Variants in LY96 observed in about 807,000 individuals in gnomAD.
LY96 encodes the protein myeloid differentiation protein-2.
In LY96, 18 loss-of-function variants were observed where a neutral mutation model predicts 18.9. The ratio of observed to expected loss-of-function variants is 0.95; its 90% CI spans 0.66 to 1.41. LY96 has a LOEUF of 1.41. LY96 is among the 40% of genes most tolerant of loss of function. The pLI is 0.00. For synonymous variants in LY96, 66 were observed against 62.6 expected (o/e 1.06, Z -0.26); for missense variants, 175 against 182.4 (o/e 0.96, Z 0.23).
chr8:74,007,379 A>C, intron 2 of LY96, among the ~76,000 whole-genome samples: 1 of 152,254 alleles, frequency 6.6e-6, no homozygotes, highest in East Asian at 1.9e-4. Flanking sequence ...TGACATTTAT[A>C]TAACAAATTA....
At chr8:74,018,747 T>C (rs1816696523) in intron 3 of LY96, among the ~76,000 whole-genome samples, 1 of 152,118 alleles carries the variant, frequency 6.6e-6, no homozygotes, top group African/African-American at 2.4e-5. Context: ...TGCAATCAAA[T>C]TAGAACTCAG....
At chr8:74,088,691 T>G in the LY96 span, among the ~76,000 whole-genome samples, 3 of 152,210 alleles carry the variant, frequency 2.0e-5, no homozygotes, top group Non-Finnish European at 4.4e-5. Context: ...GTTCAAGCGA[T>G]TCTTGTGCCT....
chr8:74,028,863 G>C, intron 4 of LY96, 93 bp from the exon 5 acceptor site: 1 of 707,148 alleles, frequency 1.4e-6, no homozygotes. Context: ...AATTTAAATG[G>C]CTTTCTGCTA....
At chr8:74,004,345 C>T (rs998006669) in intron 1 of LY96, among the ~76,000 whole-genome samples, 5 of 152,180 alleles carry the variant, frequency 3.3e-5, no homozygotes, top group African/African-American at 9.6e-5. Flanking sequence ...GGGGAGCCCT[C>T]GTGAAAAAGT....
the LY96 span, among the ~76,000 whole-genome samples, chr8:74,058,599 A>G: frequency 6.6e-6 from 1 of 150,570 alleles, no homozygotes; most frequent in Non-Finnish European, 1.5e-5. Context: ...GGCTCACTGC[A>G]ACCTCCACCT....
intron 3 of LY96, among the ~76,000 whole-genome samples, chr8:74,022,220 C>T (rs1399370350): frequency 1.3e-5 from 2 of 152,014 alleles, no homozygotes; most frequent in Non-Finnish European, 2.9e-5. Context: ...CCAGCCTGGC[C>T]TACATGGTGA....
At chr8:74,032,079 T>G (rs1816981505), downstream of LY96, among the ~76,000 whole-genome samples, 2 of 152,202 alleles carry the variant, frequency 1.3e-5, no homozygotes, top group South Asian at 2.1e-4. Flanking sequence ...GAGCCGAAAT[T>G]GTGCCACTGC....
At position 74,010,145 on chromosome 8, in the gene LY96, A is replaced by T. The variant is rs892588985; in HGVS notation, c.331+16A>T. 6.2e-7 allele frequency: 1 copy of T among 1,604,844 alleles called. No individual in the cohort carries two copies. Among genetic ancestry groups the T allele is most frequent in the Non-Finnish European group, 8.5e-7 (1 of 1,172,122 alleles). On this transcript the variant is annotated intron_variant, in intron 3 of 4. Transcript: ENST00000284818. The stretch of plus-strand genomic sequence containing the variant: ...CTGAAGGGAGGTAAGTATTCAGTTC[A>T]TATTACTTTTAGAATAGGAAATAAT...
At chr8:73,995,087 G>A (rs1236073453) in intron 1 of LY96, among the ~76,000 whole-genome samples, 1 of 152,166 alleles carries the variant, frequency 6.6e-6, no homozygotes, top group African/African-American at 2.4e-5. Flanking sequence ...ATTATTGAGG[G>A]AGTGAGTTTC....
chr8:74,025,271 G>A (rs1816846343), intron 3 of LY96, among the ~76,000 whole-genome samples: 1 of 152,154 alleles, frequency 6.6e-6, no homozygotes, highest in African/African-American at 2.4e-5. Flanking sequence ...ATTTTGAATT[G>A]GATTGGCCTT....
At chr8:74,026,891 C>A in intron 4 of LY96, 50 bp downstream of exon 4, 2 of 903,674 alleles carry the variant, frequency 2.2e-6, no homozygotes, top group Non-Finnish European at 1.8e-6. Flanking sequence ...CAGTAATAGA[C>A]ATGTTAAGCA....
intron 3 of LY96, among the ~76,000 whole-genome samples, chr8:74,024,415 A>T (rs911655407): frequency 6.6e-6 from 1 of 151,740 alleles, no homozygotes; most frequent in South Asian, 2.1e-4. Flanking sequence ...ATATGTTATT[A>T]TTCACAAGAT....
the LY96 span, among the ~76,000 whole-genome samples, chr8:74,098,810 TA>T: frequency 6.6e-6 from 1 of 152,224 alleles, no homozygotes; most frequent in African/African-American, 2.4e-5. Context: ...TTTGGTGACA[TA>T]ATTGCTTCAT....
At chr8:74,050,418 A>C in the LY96 span, among the ~76,000 whole-genome samples, 1 of 152,026 alleles carries the variant, frequency 6.6e-6, no homozygotes, top group East Asian at 1.9e-4. Context: ...AATGCTGGCC[A>C]CCTCACCCAT....
At chr8:74,085,187 A>G in the LY96 span, among the ~76,000 whole-genome samples, 3 of 152,246 alleles carry the variant, frequency 2.0e-5, no homozygotes, top group African/African-American at 7.2e-5. Context: ...TGAGTAAGAT[A>G]GTCTATGTTA....
chr8:74,022,901 T>C (rs1032437434), intron 3 of LY96, among the ~76,000 whole-genome samples: 4 of 152,082 alleles, frequency 2.6e-5, no homozygotes, highest in African/African-American at 9.7e-5. Context: ...TTAATTTCTT[T>C]CTCATATCCT....
At chr8:74,022,840 A>G (rs1173248353) in intron 3 of LY96, among the ~76,000 whole-genome samples, 1 of 151,896 alleles carries the variant, frequency 6.6e-6, no homozygotes. Flanking sequence ...CGGCCTCCCA[A>G]AGTGCTGGGA....
chr8:74,004,740 A>T (rs764204028), intron 1 of LY96, 56 bp from the exon 2 acceptor site: 338 of 1,446,354 alleles, frequency 2.3e-4, no homozygotes, highest in Non-Finnish European at 2.9e-4. Flanking sequence ...TCAGAATACT[A>T]TACTTAATGG....
the LY96 span, among the ~76,000 whole-genome samples, chr8:74,065,293 T>C: frequency 1.3e-5 from 2 of 152,234 alleles, no homozygotes; most frequent in African/African-American, 2.4e-5. Context: ...TCAGGACCTT[T>C]TGAGACTGTT....
Sources: gnomAD v4.1 joint callset for allele counts (sites outside exome capture counted in the v4.1 genomes callset) on GRCh38, gnomAD v4.1.1 for gene constraint, MANE v1.5 for transcripts, NCBI Gene and HGNC (gene_info 2026-07-23, HGNC 2026-07-21) for gene names.